Variants in RNLS observed in about 807,000 individuals in gnomAD.
RNLS encodes the protein renalase, FAD dependent amine oxidase, also known as renalase.
A neutral mutation model predicts 39.8 loss-of-function variants in RNLS; 39 were observed. The observed-to-expected ratio is 0.98, with a 90% CI of 0.76 to 1.28. The LOEUF (loss-of-function observed/expected upper bound fraction) is 1.28. Among genes scored for constraint, RNLS ranks in the 50% most tolerant of loss-of-function variants. RNLS has a pLI of 0.00. For synonymous variants in RNLS, 147 were observed against 150.7 expected, an observed-to-expected ratio of 0.98 and a Z score of 0.18; for missense variants, 410 against 413.3, an observed-to-expected ratio of 0.99 and a Z score of 0.07.
At chr10:88,350,701 T>C (rs1206571314) in intron 5 of RNLS, among the ~76,000 whole-genome samples, 3 of 152,248 alleles carry the variant, frequency 2.0e-5, no homozygotes, top group Non-Finnish European at 2.9e-5. Context: ...TATGTGTGCA[T>C]GTGTCTTTAT....
rs949443833 is a variant in RNLS, at chr10:88,277,482, G to GA, written c.877-2451dup. 9.3e-5 allele frequency among the ~76,000 whole-genome samples: 14 copies of GA among 150,118 alleles called. No homozygotes were observed. In the South Asian group the frequency reaches 2.5e-3, roughly 27 times the overall value. On this transcript the variant is annotated intron_variant, in intron 6 of 6. Coordinates refer to the RNLS transcript ENST00000371947. ...CCCTAGAACTTAAAGTATAATAAAA[G>GA]AAAAAAAAAGATAGTCCTTTGCATT...
intron 4 of RNLS, among the ~76,000 whole-genome samples, chr10:88,439,460 CT>C (rs1841590439): frequency 6.6e-6 from 1 of 152,148 alleles, no homozygotes; most frequent in Non-Finnish European, 1.5e-5. Context: ...TGTTTATTAA[CT>C]GGTGAAAACA....
the RNLS span, among the ~76,000 whole-genome samples, chr10:88,192,763 T>C: frequency 6.6e-6 from 1 of 152,230 alleles, no homozygotes; most frequent in Admixed American, 6.5e-5. Context: ...CAGAGGGATA[T>C]CTGTCACTTT....
At chr10:88,215,467 C>T in the RNLS span, among the ~76,000 whole-genome samples, 6 of 152,128 alleles carry the variant, frequency 3.9e-5, no homozygotes, top group Admixed American at 3.9e-4. Flanking sequence ...ATTTAGTCTT[C>T]AGGTCTATGG....
At chr10:88,486,604 A>T (rs1179474411) in intron 4 of RNLS, among the ~76,000 whole-genome samples, 3 of 152,202 alleles carry the variant, frequency 2.0e-5, no homozygotes, top group East Asian at 1.9e-4. Context: ...CAAGCATATT[A>T]AAAAAAGCTC....
chr10:88,532,374 T>C (rs1175504560), intron 4 of RNLS, among the ~76,000 whole-genome samples: 1 of 152,054 alleles, frequency 6.6e-6, no homozygotes, highest in African/African-American at 2.4e-5. Context: ...GGAATGCAAA[T>C]ACTTACTAGT....
At chr10:88,429,072 T>TA (rs113160478) in intron 4 of RNLS, among the ~76,000 whole-genome samples, 12 of 151,768 alleles carry the variant, frequency 7.9e-5, no homozygotes, top group South Asian at 2.1e-4. Context: ...AAAGAAGCTT[T>TA]AAAAAAAATC....
At chr10:88,226,297 A>G in the RNLS span, among the ~76,000 whole-genome samples, 10 of 152,346 alleles carry the variant, frequency 6.6e-5, no homozygotes, top group African/African-American at 1.7e-4. Flanking sequence ...TCAGTCTTCA[A>G]TAAACAACTA....
chr10:88,203,258 GTGTGTGTA>G, the RNLS span, among the ~76,000 whole-genome samples: 3 of 11,616 alleles, frequency 2.6e-4, 1 homozygote, highest in African/African-American at 1.9e-3. Flanking sequence ...GTGTGTGTGT[GTGTGTGTA>G]TGTATATATA....
At chr10:88,495,326 C>T (rs1178124738) in intron 4 of RNLS, among the ~76,000 whole-genome samples, 1 of 152,014 alleles carries the variant, frequency 6.6e-6, no homozygotes, top group Non-Finnish European at 1.5e-5. Flanking sequence ...TCAATAGAGT[C>T]AATTTGTTAT....
rs768939981 is a variant in RNLS, at chr10:88,524,956, C to CACATATATAT, written c.526+47946_526+47947insATATATATGT. Among the ~76,000 whole-genome samples the CACATATATAT allele has an allele frequency of 1.7e-3, 128 of 76,038 alleles. 1 individual carries two copies. Among genetic ancestry groups the CACATATATAT allele is most frequent in the East Asian group, 7.7e-3 (13 of 1,696 alleles). The allele number at this position is 76,038 out of a possible 152,430, so 49.9% of individuals were successfully genotyped here. ...CATATATATATATATATGGCACACA[C>CACATATATAT]ATACATATATATATATATATATATA... On this transcript the variant is annotated intron_variant, in intron 4 of 6. Coordinates refer to ENST00000331772, the MANE Select transcript of RNLS (RefSeq NM_001031709.3).
At chr10:88,234,697 C>A in the RNLS span, among the ~76,000 whole-genome samples, 1 of 152,098 alleles carries the variant, frequency 6.6e-6, no homozygotes, top group Non-Finnish European at 1.5e-5. Context: ...TCCTGAGTTT[C>A]AAGAGTCTTA....
intron 4 of RNLS, among the ~76,000 whole-genome samples, chr10:88,435,513 C>T (rs1855421023): frequency 6.6e-6 from 1 of 151,844 alleles, no homozygotes; most frequent in Admixed American, 6.6e-5. Flanking sequence ...TAGTAGAATA[C>T]TTCAGTACTT....
intron 4 of RNLS, among the ~76,000 whole-genome samples, chr10:88,521,244 C>T (rs1589947290): frequency 6.6e-6 from 1 of 152,050 alleles, no homozygotes; most frequent in African/African-American, 2.4e-5. Context: ...TAACCCACTA[C>T]ACCTGAGCTA....
chr10:88,181,718 A>G, the RNLS span, among the ~76,000 whole-genome samples: 2 of 152,082 alleles, frequency 1.3e-5, no homozygotes, highest in Admixed American at 1.3e-4. Flanking sequence ...AAGGAACATC[A>G]TTTCCTGATT....
intron 4 of RNLS, among the ~76,000 whole-genome samples, chr10:88,384,137 A>G (rs1218378178): frequency 6.6e-6 from 1 of 152,186 alleles, no homozygotes; most frequent in Non-Finnish European, 1.5e-5. Flanking sequence ...TAAAAAGTCT[A>G]ACATATTTAC....
In RNLS at chr10:88,284,108, T is replaced by C. The variant is rs1843120922; in HGVS notation, c.*1246A>G. On this transcript the variant is annotated 3_prime_UTR_variant, in exon 7 of 7. Coordinates refer to ENST00000331772, the MANE Select transcript of RNLS (RefSeq NM_001031709.3). ...AAGTGACATTAACCACATGTTGGCA[T>C]TTAAGTTTTTCACCAATTTATTGCT... 1.0e-6 allele frequency: 1 copy of C among 981,148 alleles called. No homozygotes were observed. The highest frequency in any genetic ancestry group is 1.8e-5 in the African/African-American group (1 of 57,112). The allele number at this position is 981,148 out of a possible 1,614,324, so 60.8% of individuals were successfully genotyped here.
intron 6 of RNLS, among the ~76,000 whole-genome samples, chr10:88,290,145 G>T (rs1843565515): frequency 6.6e-6 from 1 of 152,128 alleles, no homozygotes; most frequent in South Asian, 2.1e-4. Context: ...TTGATTATTT[G>T]CAAAATAATT....
chr10:88,326,836 A>T (rs1389309996), intron 5 of RNLS, among the ~76,000 whole-genome samples: 1 of 152,082 alleles, frequency 6.6e-6, no homozygotes, highest in Non-Finnish European at 1.5e-5. Flanking sequence ...ATCTTGCAAA[A>T]CCACAAGGGT....
Sources: gnomAD v4.1 joint callset for allele counts (sites outside exome capture counted in the v4.1 genomes callset) on GRCh38, gnomAD v4.1.1 for gene constraint, MANE v1.5 for transcripts, NCBI Gene and HGNC (gene_info 2026-07-23, HGNC 2026-07-21) for gene names.